Variants in MAMLD1 observed in about 807,000 individuals in gnomAD.
The protein encoded by MAMLD1 is mastermind-like domain-containing protein 1.
A neutral mutation model predicts 45.0 loss-of-function variants in MAMLD1; 14 were observed. The ratio of observed to expected loss-of-function variants is 0.31; its 90% CI spans 0.21 to 0.49. MAMLD1 has a LOEUF of 0.49. Ranked by LOEUF, MAMLD1 falls within the 20% of genes least tolerant of loss-of-function variation. The pLI, the probability that MAMLD1 is intolerant of heterozygous loss-of-function variation, is 0.99. For synonymous variants in MAMLD1, 254 were observed against 247.8 expected (o/e 1.02, Z -0.24); for missense variants, 543 against 603.6 (o/e 0.90, Z 1.05).
chrX:150,511,491 G>A (rs1053715623), intron 7 of MAMLD1, among the ~76,000 whole-genome samples: 4 of 111,947 alleles, frequency 3.6e-5, no homozygotes, highest in Admixed American at 2.8e-4. Context: ...ACAAAGCACC[G>A]TCTGCACTCA....
intron 1 of MAMLD1, among the ~76,000 whole-genome samples, chrX:150,379,397 G>A (rs2032489157): frequency 8.9e-6 from 1 of 111,743 alleles, no homozygotes; most frequent in Non-Finnish European, 1.9e-5. Context: ...TTGTCTTTTC[G>A]TAAGAGTGAA....
intron 1 of MAMLD1, among the ~76,000 whole-genome samples, chrX:150,364,248 C>G (rs1240155784): frequency 1.8e-5 from 2 of 112,719 alleles, no homozygotes; most frequent in Non-Finnish European, 3.8e-5. Context: ...GGGCGGGAAG[C>G]CCCCCGGAGC....
chrX:150,453,765 C>G (rs1189795715), intron 2 of MAMLD1, among the ~76,000 whole-genome samples: 1 of 111,908 alleles, frequency 8.9e-6, no homozygotes, highest in Admixed American at 9.4e-5. Context: ...GCTGCCTGCC[C>G]GTCACTGGAA....
intron 1 of MAMLD1, among the ~76,000 whole-genome samples, chrX:150,394,299 T>C (rs2033330937): frequency 9.1e-6 from 1 of 109,803 alleles, no homozygotes; most frequent in African/African-American, 3.3e-5. Context: ...TGCATTGATC[T>C]ATTTGTATAT....
chrX:150,368,610 G>A (rs1208662886), intron 1 of MAMLD1, among the ~76,000 whole-genome samples: 1 of 110,725 alleles, frequency 9.0e-6, no homozygotes. Context: ...CATTGCTTTT[G>A]GTGTTTTAGA....
At chrX:150,477,983 G>T (rs782431259) in intron 5 of MAMLD1, among the ~76,000 whole-genome samples, 5 of 111,563 alleles carry the variant, frequency 4.5e-5, no homozygotes, top group Non-Finnish European at 7.5e-5. Flanking sequence ...CTCTCCTCTC[G>T]TTTCCGTCCT....
chrX:150,474,896 A>G (rs1194666400), intron 5 of MAMLD1, among the ~76,000 whole-genome samples: 3 of 111,537 alleles, frequency 2.7e-5, no homozygotes, highest in Non-Finnish European at 5.7e-5. Flanking sequence ...TATTAACTCT[A>G]AGACCTAAGA....
At chrX:150,436,873 C>T (rs937176342) in intron 1 of MAMLD1, among the ~76,000 whole-genome samples, 1 of 110,201 alleles carries the variant, frequency 9.1e-6, no homozygotes, top group Non-Finnish European at 1.9e-5. Context: ...TTCTTTCAGT[C>T]TTTGAAGTTG....
intron 1 of MAMLD1, among the ~76,000 whole-genome samples, chrX:150,403,964 G>GAAAGAAAGAAAGAAAGAAAGAA (rs2033912712): frequency 5.4e-4 from 45 of 83,741 alleles, no homozygotes; most frequent in East Asian, 9.8e-4. Flanking sequence ...AAGAAAGAAA[G>GAAAGAAAGAAAGAAAGAAAGAA]AAAGAAAGAA....
intron 1 of MAMLD1, among the ~76,000 whole-genome samples, chrX:150,375,440 G>A (rs1359913210): frequency 8.9e-6 from 1 of 112,589 alleles, no homozygotes; most frequent in Non-Finnish European, 1.9e-5. Flanking sequence ...TCCTGGCCTT[G>A]CTCAGCCTGT....
At position 150,466,133 on chromosome X, in the gene MAMLD1, T is replaced by C. The variant is rs2266833; in HGVS notation, c.171+3287T>C. ...CGCAGTTGAGATGAGTAACAGATCA[T>C]GGGACTGTGAAAGAGAAGACACGAA... On this transcript the variant is annotated intron_variant, in intron 3 of 7. Coordinates refer to ENST00000370401, the MANE Select transcript of MAMLD1 (RefSeq NM_005491.5). 4.1e-3 allele frequency among the ~76,000 whole-genome samples: 465 copies of C among 112,475 alleles called. 8 individuals are homozygous for C. Among genetic ancestry groups the C allele is most frequent in the East Asian group, 0.037 (131 of 3,555 alleles).
chrX:150,374,523 T>C (rs1206356297), intron 1 of MAMLD1, among the ~76,000 whole-genome samples: 1 of 112,582 alleles, frequency 8.9e-6, no homozygotes, highest in African/African-American at 3.2e-5. Context: ...CCATTTGATG[T>C]GAGAAATTTA....
At chrX:150,458,538 A>G (rs1365474473) in intron 2 of MAMLD1, among the ~76,000 whole-genome samples, 1 of 111,981 alleles carries the variant, frequency 8.9e-6, no homozygotes, top group African/African-American at 3.3e-5. Context: ...GCCCCAGATT[A>G]TAAAAGCTTC....
At chrX:150,363,931 G>C (rs782325380) in intron 1 of MAMLD1, among the ~76,000 whole-genome samples, 1 of 113,358 alleles carries the variant, frequency 8.8e-6, no homozygotes, top group Admixed American at 9.2e-5. Flanking sequence ...ACCGGCGACG[G>C]TGCCTTCACA....
intron 1 of MAMLD1, among the ~76,000 whole-genome samples, chrX:150,387,746 G>T (rs1557402088): frequency 9.0e-6 from 1 of 111,249 alleles, no homozygotes; most frequent in Non-Finnish European, 1.9e-5. Flanking sequence ...ATTATAAATG[G>T]ATGTTAAATT....
intron 7 of MAMLD1, 61 bp downstream of exon 7, chrX:150,510,107 G>C (rs1338806559): frequency 2.7e-6 from 2 of 749,085 alleles, no homozygotes; most frequent in African/African-American, 4.1e-5. Flanking sequence ...GTGGAAGTGG[G>C]GTGAGAATTC....
chrX:150,374,962 T>C (rs781966698), intron 1 of MAMLD1, among the ~76,000 whole-genome samples: 1 of 111,183 alleles, frequency 9.0e-6, no homozygotes, highest in Non-Finnish European at 1.9e-5. Flanking sequence ...CCAGGATCTG[T>C]CCAGGGCCCC....
intron 1 of MAMLD1, among the ~76,000 whole-genome samples, chrX:150,391,966 A>G (rs2033197020): frequency 8.9e-6 from 1 of 111,779 alleles, no homozygotes; most frequent in Non-Finnish European, 1.9e-5. Flanking sequence ...CTTATTGCTG[A>G]TAGGTGGAGT....
At chrX:150,362,683 G>C (rs782235309), upstream of MAMLD1, 1 of 111,890 alleles carries the variant, frequency 8.9e-6, no homozygotes, top group African/African-American at 3.2e-5. Flanking sequence ...TCACCAGCTC[G>C]TTTTCCCCAG....
Sources: gnomAD v4.1 joint callset for allele counts (sites outside exome capture counted in the v4.1 genomes callset) on GRCh38, gnomAD v4.1.1 for gene constraint, MANE v1.5 for transcripts, NCBI Gene and HGNC (gene_info 2026-07-23, HGNC 2026-07-21) for gene names.